Variants in CIROP observed in about 807,000 individuals in gnomAD.
CIROP encodes leishmanolysin homolog.
At chr14:23,102,252 G>A in the CIROP span, 1 of 702,810 alleles carries the variant, frequency 1.4e-6, no homozygotes, top group Non-Finnish European at 2.6e-6. Flanking sequence ...CCCAGTGCGA[G>A]GACAGAAGGC....
At chr14:23,102,967 G>A in the CIROP span, 2 of 594,456 alleles carry the variant, frequency 3.4e-6, no homozygotes, top group Non-Finnish European at 6.0e-6. Flanking sequence ...CTGGTGAGAT[G>A]TTGGGCACAG....
At chr14:23,100,817 C>T in the CIROP span, 6 of 398,874 alleles carry the variant, frequency 1.5e-5, no homozygotes, top group Admixed American at 4.4e-5. Flanking sequence ...AGGGATTCTC[C>T]TTGGCCCATT....
Sources: gnomAD v4.1 joint callset for allele counts on GRCh38, gnomAD v4.1.1 for gene constraint, MANE v1.5 for transcripts, NCBI Gene and HGNC (gene_info 2026-07-23, HGNC 2026-07-21) for gene names.